The following GRIN2A variants were observed in gnomAD, a reference collection of about 807,000 sequenced individuals.
GRIN2A encodes glutamate receptor ionotropic, NMDA 2A.
GRIN2A carries 22 observed loss-of-function variants against 113.4 expected under a neutral mutation model. The observed-to-expected ratio is 0.19, with a 90% CI of 0.14 to 0.28. The LOEUF is 0.28. GRIN2A is among the 10% of genes least tolerant of loss of function. The pLI, the probability that GRIN2A is intolerant of heterozygous loss-of-function variation, is 1.00. For missense variants in GRIN2A, 1,502 were observed against 1,887.0 expected (o/e 0.80, Z 3.78); for synonymous variants, 827 against 738.4 (o/e 1.12, Z -1.94).
At chr16:10,026,089 G>T (rs2046814608) in intron 2 of GRIN2A, among the ~76,000 whole-genome samples, 1 of 151,912 alleles carries the variant, frequency 6.6e-6, no homozygotes, top group African/African-American at 2.4e-5. Context: ...GCTCACTACA[G>T]AAAAAAATAA....
At chr16:10,046,333 T>C (rs1417413780) in intron 2 of GRIN2A, among the ~76,000 whole-genome samples, 1 of 152,048 alleles carries the variant, frequency 6.6e-6, no homozygotes, top group Non-Finnish European at 1.5e-5. Flanking sequence ...AAATTGTTTT[T>C]TTTTTTTTCT....
At chr16:10,066,702 T>C (rs8046889) in intron 2 of GRIN2A, among the ~76,000 whole-genome samples, 5,201 of 152,242 alleles carry the variant, frequency 0.034, 313 homozygotes, top group African/African-American at 0.12. Flanking sequence ...CTAAATGTCA[T>C]GGCAGAGGGT....
chr16:9,818,165 T>C (rs551794223), intron 10 of GRIN2A, among the ~76,000 whole-genome samples: 1 of 151,972 alleles, frequency 6.6e-6, no homozygotes, highest in East Asian at 1.9e-4. Flanking sequence ...GTGAGTGTGG[T>C]GACGTGGACA....
chr16:10,082,877 T>A (rs2048010434), intron 2 of GRIN2A, among the ~76,000 whole-genome samples: 1 of 152,250 alleles, frequency 6.6e-6, no homozygotes. Flanking sequence ...CCACATGGGC[T>A]TCCTTTAATA....
At chr16:9,908,652 G>A (rs2044073664) in intron 3 of GRIN2A, among the ~76,000 whole-genome samples, 1 of 152,186 alleles carries the variant, frequency 6.6e-6, no homozygotes, top group Non-Finnish European at 1.5e-5. Flanking sequence ...GAAAAGGGCT[G>A]TTTTCTTACA....
intron 2 of GRIN2A, among the ~76,000 whole-genome samples, chr16:9,975,330 T>C (rs1306821434): frequency 1.3e-5 from 2 of 152,338 alleles, no homozygotes; most frequent in Admixed American, 1.3e-4. Context: ...TCCTGGTTTA[T>C]TCCATGGATC....
chr16:10,069,762 T>C (rs2142026924), intron 2 of GRIN2A, among the ~76,000 whole-genome samples: 1 of 152,328 alleles, frequency 6.6e-6, no homozygotes, highest in South Asian at 2.1e-4. Flanking sequence ...GTTAAGGAAA[T>C]GTTTCAGGCC....
intron 4 of GRIN2A, among the ~76,000 whole-genome samples, chr16:9,866,953 C>T (rs1374845999): frequency 1.3e-5 from 2 of 152,200 alleles, no homozygotes; most frequent in African/African-American, 4.8e-5. Context: ...CCACAGCTCT[C>T]ATTCAGGTAT....
chr16:9,922,585 C>G (rs974711113), intron 3 of GRIN2A, among the ~76,000 whole-genome samples: 2 of 152,202 alleles, frequency 1.3e-5, no homozygotes, highest in Non-Finnish European at 2.9e-5. Context: ...CAATTCCTGA[C>G]TGTTCTGAGC....
intron 2 of GRIN2A, among the ~76,000 whole-genome samples, chr16:9,964,852 A>C (rs1235754418): frequency 1.3e-5 from 2 of 152,226 alleles, no homozygotes; most frequent in Non-Finnish European, 2.9e-5. Context: ...CACTATAAGC[A>C]ACATATTCAC....
intron 4 of GRIN2A, among the ~76,000 whole-genome samples, chr16:9,874,424 G>A (rs1057438474): frequency 3.3e-5 from 5 of 152,198 alleles, no homozygotes; most frequent in Admixed American, 1.3e-4. Flanking sequence ...TCAGTGGGAT[G>A]CTCTGAGCCG....
At chr16:10,096,481 T>C (rs768187612) in intron 2 of GRIN2A, among the ~76,000 whole-genome samples, 2 of 151,886 alleles carry the variant, frequency 1.3e-5, no homozygotes, top group African/African-American at 2.4e-5. Flanking sequence ...ATGGTCTATA[T>C]TGATTCTCAG....
At chr16:9,917,366 T>A (rs993147213) in intron 3 of GRIN2A, among the ~76,000 whole-genome samples, 1 of 152,194 alleles carries the variant, frequency 6.6e-6, no homozygotes, top group Non-Finnish European at 1.5e-5. Context: ...CCCTGTGGGG[T>A]TTGGCACTGA....
At chr16:9,822,446 AAG>A (rs113949330) in intron 9 of GRIN2A, 22 bp from the exon 10 acceptor site, 7 of 1,522,236 alleles carry the variant, frequency 4.6e-6, no homozygotes, top group Non-Finnish European at 4.6e-6. Context: ...ACGAGAAAGG[AAG>A]AGAGAGAGTA....
intron 3 of GRIN2A, among the ~76,000 whole-genome samples, chr16:9,915,025 C>G (rs2044218281): frequency 7.0e-6 from 1 of 143,068 alleles, no homozygotes. Context: ...CAAGCTCCGC[C>G]TCCCGGGTTC....
At chr16:10,011,363 G>T (rs1057199036) in intron 2 of GRIN2A, among the ~76,000 whole-genome samples, 10 of 152,148 alleles carry the variant, frequency 6.6e-5, no homozygotes, top group African/African-American at 2.4e-4. Flanking sequence ...TTAAGACATT[G>T]CAAGTAAAAA....
intron 11 of GRIN2A, among the ~76,000 whole-genome samples, chr16:9,785,069 G>C (rs369979779): frequency 1.2e-4 from 18 of 152,240 alleles, no homozygotes; most frequent in Middle Eastern, 3.4e-3. Context: ...TACCATTTGA[G>C]CCAGCCATCC....
At chr16:9,995,228 G>A (rs558407025) in intron 2 of GRIN2A, among the ~76,000 whole-genome samples, 1 of 152,294 alleles carries the variant, frequency 6.6e-6, no homozygotes, top group East Asian at 1.9e-4. Context: ...ACTGCAGAGG[G>A]TTTGGAAAAG....
At chr16:9,877,141 C>T (rs953973273) in intron 4 of GRIN2A, among the ~76,000 whole-genome samples, 1 of 152,128 alleles carries the variant, frequency 6.6e-6, no homozygotes, top group African/African-American at 2.4e-5. Flanking sequence ...TTTTAAAAAT[C>T]ATAGAACATC....
Sources: allele counts gnomAD v4.1 joint callset (sites outside exome capture counted in the v4.1 genomes callset), GRCh38; gene constraint gnomAD v4.1.1; transcripts MANE v1.5; gene names NCBI Gene and HGNC (gene_info 2026-07-23, HGNC 2026-07-21).